The following ADTRP variants were observed in gnomAD, a reference collection of about 807,000 sequenced individuals.
ADTRP encodes the protein androgen dependent TFPI regulating protein.
A neutral mutation model predicts 27.0 loss-of-function variants in ADTRP; 20 were observed. That is an observed-to-expected ratio of 0.74 (90% confidence interval 0.52 to 1.08). The LOEUF is 1.08. Ranked by LOEUF, ADTRP falls within the 50% of genes least tolerant of loss-of-function variation. The pLI, the probability that ADTRP is intolerant of heterozygous loss-of-function variation, is 0.00. For synonymous variants in ADTRP, 101 were observed against 105.2 expected (o/e 0.96, Z 0.25); for missense variants, 251 against 275.0 (o/e 0.91, Z 0.62).
intron 1 of ADTRP, among the ~76,000 whole-genome samples, chr6:11,778,010 G>A (rs1764013719): frequency 6.6e-6 from 1 of 152,142 alleles, no homozygotes; most frequent in Non-Finnish European, 1.5e-5. Flanking sequence ...GACAAGAAAG[G>A]AGTAAGTCAT....
rs895901425 is a variant in ADTRP at position 11,714,185 on chromosome 6, T to C, written c.*293A>G. Reference sequence around the variant, plus strand: ...TAGATGTTCTCTAACACCAAGTTTATGTGAGTTTCTTTGGCCAGATTTTAA... The same window carrying C: ...TAGATGTTCTCTAACACCAAGTTTACGTGAGTTTCTTTGGCCAGATTTTAA... On this transcript the variant is annotated 3_prime_UTR_variant, in exon 6 of 6. Coordinates refer to ENST00000414691, the MANE Select transcript of ADTRP (RefSeq NM_032744.4). 4 of 392,146 alleles carry C rather than the reference T, an allele frequency of 1.0e-5. No individual in the cohort carries two copies. The Admixed American group carries it at 1.3e-4, about 13-fold the overall frequency. 24.3% of individuals were successfully genotyped at this position (392,146 alleles called of 1,614,324 possible).
At position 11,764,894 on chromosome 6, in the gene ADTRP, TAAAAA is replaced by T. The variant is rs34204085; in HGVS notation, c.390+1375_390+1379del. 2.4e-3 allele frequency among the ~76,000 whole-genome samples: 290 copies of T among 122,324 alleles called. 2 individuals carry two copies. Among genetic ancestry groups the T allele is most frequent in the African/African-American group, 6.9e-3 (223 of 32,130 alleles). 80.2% of individuals were successfully genotyped at this position (122,324 alleles called of 152,430 possible). A position where few individuals can be genotyped will look rare whatever the true frequency, so the allele number is the denominator to read the frequency against. On this transcript the variant is annotated intron_variant, in intron 3 of 5. Coordinates refer to ENST00000414691, the MANE Select transcript of ADTRP (RefSeq NM_032744.4). ...TTGGACAATATAAAGTACCATTTCT[TAAAAA>T]AAAAAAAAAAAAAAAAAAGCAGGAA...
chr6:11,726,393 T>C (rs4713831), intron 4 of ADTRP, among the ~76,000 whole-genome samples: 98,450 of 151,956 alleles, frequency 0.65, 33,368 homozygotes, highest in Non-Finnish European at 0.77. Context: ...AATGGTTTGA[T>C]GCTGTTCTTG....
rs368192274 is a variant in ADTRP, at chr6:11,713,698, A to T, written c.*780T>A. Reference sequence around the variant, plus strand: ...TTATTACTATACCATTTATTTGATGAATTAATCAATGTTCAAATGGAAGAG... The same window carrying T: ...TTATTACTATACCATTTATTTGATGTATTAATCAATGTTCAAATGGAAGAG... On this transcript the variant is annotated 3_prime_UTR_variant, in exon 6 of 6. Coordinates refer to ENST00000414691, the MANE Select transcript of ADTRP (RefSeq NM_032744.4). 6.6e-5 allele frequency: 10 copies of T among 152,328 alleles called. No individual in the cohort carries two copies. The East Asian group carries it at 1.7e-3, about 26-fold the overall frequency. The allele number at this position is 152,328 out of a possible 1,614,324, so 9.4% of individuals were successfully genotyped here. A position where few individuals can be genotyped will look rare whatever the true frequency, so the allele number is the denominator to read the frequency against.
At chr6:11,761,708 A>G (rs1763394473) in intron 3 of ADTRP, among the ~76,000 whole-genome samples, 1 of 152,182 alleles carries the variant, frequency 6.6e-6, no homozygotes, top group South Asian at 2.1e-4. Flanking sequence ...ATGTTCAGTT[A>G]TGTCAGGTGT....
chr6:11,774,648 G>A (rs1763895417), intron 1 of ADTRP, among the ~76,000 whole-genome samples: 1 of 151,576 alleles, frequency 6.6e-6, no homozygotes, highest in Admixed American at 6.6e-5. Flanking sequence ...CGTGGGGAGG[G>A]AGGGGCCCAC....
chr6:11,752,310 G>T (rs1160535720), intron 3 of ADTRP, among the ~76,000 whole-genome samples: 2 of 151,906 alleles, frequency 1.3e-5, no homozygotes, highest in East Asian at 3.9e-4. Flanking sequence ...TCGCTATATG[G>T]CCAGAAACGA....
At chr6:11,745,506 C>T (rs182836250) in intron 3 of ADTRP, among the ~76,000 whole-genome samples, 6 of 152,206 alleles carry the variant, frequency 3.9e-5, no homozygotes, top group Admixed American at 2.0e-4. Context: ...AAGTGTTAGA[C>T]GACAGTAGGC....
chr6:11,764,528 C>T (rs1300607100), intron 3 of ADTRP, among the ~76,000 whole-genome samples: 4 of 150,366 alleles, frequency 2.7e-5, no homozygotes, highest in Non-Finnish European at 5.9e-5. Flanking sequence ...GGTTTAGTAG[C>T]ATACAGATGA....
At chr6:11,778,509 C>A in intron 1 of ADTRP, 98 bp downstream of exon 1, 1 of 1,406,968 alleles carries the variant, frequency 7.1e-7, no homozygotes. Context: ...AGACAAATAA[C>A]AAAATTGTGT....
At chr6:11,763,066 T>G (rs1243847364) in intron 3 of ADTRP, among the ~76,000 whole-genome samples, 2 of 152,364 alleles carry the variant, frequency 1.3e-5, no homozygotes, top group East Asian at 1.9e-4. Flanking sequence ...AACAGTCAGA[T>G]TGATCTACTT....
intron 5 of ADTRP, among the ~76,000 whole-genome samples, chr6:11,722,038 G>T (rs1010016470): frequency 6.6e-6 from 1 of 152,092 alleles, no homozygotes; most frequent in Non-Finnish European, 1.5e-5. Flanking sequence ...TATAGAGAGA[G>T]AGAGATTTGG....
chr6:11,761,798 G>T (rs1447002986), intron 3 of ADTRP, among the ~76,000 whole-genome samples: 2 of 152,140 alleles, frequency 1.3e-5, no homozygotes, highest in African/African-American at 4.8e-5. Context: ...ATGGGTATTT[G>T]TATTTTCCTG....
intron 5 of ADTRP, 70 bp from the exon 6 acceptor site, chr6:11,714,582 A>G (rs1295636621): frequency 1.3e-6 from 2 of 1,544,412 alleles, no homozygotes; most frequent in Middle Eastern, 1.7e-4. Flanking sequence ...TGTTGTGGGT[A>G]GAGATTCACT....
At position 11,778,744 on chromosome 6, in the gene ADTRP, T is replaced by C. The variant is rs1764041668; in HGVS notation, c.16A>G (p.Thr6Ala). 8.1e-6 allele frequency: 13 copies of C among 1,614,000 alleles called. No homozygotes were observed. Among genetic ancestry groups the C allele is most frequent in the South Asian group, 3.3e-5 (3 of 91,064 alleles). The stretch of plus-strand genomic sequence containing the variant: ...AGAACAAGGAAGTGGTATATGCATG[T>C]AGAAGTCTTCGTCATGGCGAGTGCT... The part of the protein sequence containing the change: MTKTS[T>A]CIYHFLVLSW... The change falls in exon 1 of 6, where the codon ACA (threonine) becomes GCA (alanine). Residue 6 changes from threonine to alanine, a missense_variant. Physicochemically the swap from Thr to Ala is moderately conservative, Grantham distance 58. Coordinates refer to ENST00000414691, the MANE Select transcript of ADTRP (RefSeq NM_032744.4).
At chr6:11,725,552 G>C (rs210901) in intron 4 of ADTRP, among the ~76,000 whole-genome samples, 83,330 of 152,036 alleles carry the variant, frequency 0.55, 25,280 homozygotes, top group Non-Finnish European at 0.7. Flanking sequence ...TAAGGACATA[G>C]AGAAATTGGA....
chr6:11,768,432 AC>A, intron 1 of ADTRP, 49 bp from the exon 2 acceptor site: 1 of 1,601,908 alleles, frequency 6.2e-7, no homozygotes, highest in Non-Finnish European at 8.5e-7. Flanking sequence ...TTTAATTAAT[AC>A]CTTCTTCACT....
At chr6:11,745,704 T>C (rs1300004819) in intron 3 of ADTRP, among the ~76,000 whole-genome samples, 1 of 152,266 alleles carries the variant, frequency 6.6e-6, no homozygotes, top group Non-Finnish European at 1.5e-5. Flanking sequence ...TTTTGTTATT[T>C]CAAAATAAAA....
intron 3 of ADTRP, among the ~76,000 whole-genome samples, chr6:11,754,223 C>T (rs1436054797): frequency 3.3e-5 from 5 of 152,226 alleles, no homozygotes; most frequent in Non-Finnish European, 7.3e-5. Flanking sequence ...AGAGCTCTTT[C>T]TTGTCCTCAT....
Sources: allele counts gnomAD v4.1 joint callset (sites outside exome capture counted in the v4.1 genomes callset), GRCh38; gene constraint gnomAD v4.1.1; transcripts MANE v1.5; gene names NCBI Gene and HGNC (gene_info 2026-07-23, HGNC 2026-07-21).